AAK1: variants seen among roughly 807,000 people sequenced by gnomAD.
AAK1 encodes the protein AP2 associated kinase 1.
AAK1 carries 37 observed loss-of-function variants against 116.0 expected under a neutral mutation model. The ratio of observed to expected loss-of-function variants is 0.32; its 90% CI spans 0.25 to 0.42. The LOEUF is 0.42. Ranked by LOEUF, AAK1 falls within the 10% of genes least tolerant of loss-of-function variation. The probability of loss-of-function intolerance (pLI) is 1.00; values close to 1 mark genes in which losing one functional copy is unlikely to be tolerated. For missense variants in AAK1, 919 were observed against 1,170.6 expected (o/e 0.79, Z 3.14); for synonymous variants, 458 against 439.9 (o/e 1.04, Z -0.51).
At chr2:69,542,131 T>C (rs1034930253) in intron 5 of AAK1, among the ~76,000 whole-genome samples, 3 of 152,130 alleles carry the variant, frequency 2.0e-5, no homozygotes, top group African/African-American at 7.2e-5. Flanking sequence ...GTGATGGCAA[T>C]TAGGACAATT....
At chr2:69,557,101 T>G (rs1253265160) in intron 2 of AAK1, 123 bp from the exon 3 acceptor site, 1 of 696,566 alleles carries the variant, frequency 1.4e-6, no homozygotes, top group Admixed American at 2.1e-5. Flanking sequence ...CAGCCAGCCT[T>G]TAGGGCTAGC....
chr2:69,602,297 GAATA>G (rs1376693603), intron 2 of AAK1, among the ~76,000 whole-genome samples: 1 of 152,054 alleles, frequency 6.6e-6, no homozygotes, highest in African/African-American at 2.4e-5. Flanking sequence ...AGTAAAATCT[GAATA>G]AACAGATTAG....
chr2:69,498,061 A>G (rs1482690366), intron 16 of AAK1, among the ~76,000 whole-genome samples: 3 of 116,840 alleles, frequency 2.6e-5, no homozygotes, highest in Admixed American at 1.3e-4. Flanking sequence ...GCCTCTTTTC[A>G]TCTCGCTCCC....
intron 10 of AAK1, 125 bp downstream of exon 10, chr2:69,524,908 C>G: frequency 1.1e-6 from 1 of 871,700 alleles, no homozygotes; most frequent in Admixed American, 2.5e-5. Context: ...CAAGACAGAG[C>G]TTGCTTTCCT....
chr2:69,569,165 G>C (rs1156521263), intron 2 of AAK1, among the ~76,000 whole-genome samples: 1 of 152,176 alleles, frequency 6.6e-6, no homozygotes, highest in African/African-American at 2.4e-5. Context: ...CTTCGAGCCA[G>C]AGGAAAGTCC....
chr2:69,564,013 G>A (rs893939947), intron 2 of AAK1, among the ~76,000 whole-genome samples: 2 of 152,092 alleles, frequency 1.3e-5, no homozygotes, highest in South Asian at 2.1e-4. Flanking sequence ...CTAACATGGT[G>A]AAACCCTGTC....
At chr2:69,602,018 T>C (rs1250209370) in intron 2 of AAK1, among the ~76,000 whole-genome samples, 5 of 152,176 alleles carry the variant, frequency 3.3e-5, no homozygotes, top group African/African-American at 4.8e-5. Context: ...AGACACACCA[T>C]TGCAGTATCC....
At chr2:69,574,213 A>T (rs1218840661) in intron 2 of AAK1, among the ~76,000 whole-genome samples, 3 of 151,528 alleles carry the variant, frequency 2.0e-5, no homozygotes, top group African/African-American at 7.3e-5. Flanking sequence ...TCTACTAAAA[A>T]TACAAAAATT....
At chr2:69,548,470 C>A (rs1235985630) in intron 3 of AAK1, among the ~76,000 whole-genome samples, 2 of 145,700 alleles carry the variant, frequency 1.4e-5, no homozygotes, top group Non-Finnish European at 2.9e-5. Context: ...CTTTTTCTTT[C>A]TTTTTTCCTT....
chr2:69,637,777 GTGT>G (rs1190649209), intron 2 of AAK1, among the ~76,000 whole-genome samples: 1 of 152,016 alleles, frequency 6.6e-6, no homozygotes, highest in Non-Finnish European at 1.5e-5. Context: ...TATTTTTTGT[GTGT>G]TTTGTTAATA....
intron 4 of AAK1, 61 bp from the exon 5 acceptor site, chr2:69,542,726 T>A (rs1246891522): frequency 1.5e-5 from 24 of 1,574,160 alleles, no homozygotes; most frequent in Non-Finnish European, 2.1e-5. Flanking sequence ...TCATTTAGTC[T>A]AAGAGAATGA....
At chr2:69,575,073 CA>C (rs1672250643) in intron 2 of AAK1, among the ~76,000 whole-genome samples, 1 of 141,878 alleles carries the variant, frequency 7.0e-6, no homozygotes, top group Admixed American at 6.9e-5. Flanking sequence ...TAAAACAAAA[CA>C]AACAACTTCT....
At chr2:69,480,142 A>T (rs578243877) in intron 19 of AAK1, among the ~76,000 whole-genome samples, 1 of 152,062 alleles carries the variant, frequency 6.6e-6, no homozygotes, top group East Asian at 1.9e-4. Flanking sequence ...AATAAATCAT[A>T]ATGTCTTTGG....
chr2:69,490,766 TACTTAATGCCACTGA>T (rs1220265391), intron 17 of AAK1, among the ~76,000 whole-genome samples: 6 of 152,204 alleles, frequency 3.9e-5, no homozygotes, highest in African/African-American at 1.4e-4. Context: ...AATGAGAATA[TACTTAATGCCACTGA>T]ACTGTACACT....
chr2:69,532,283 G>A (rs2276687), intron 5 of AAK1, 121 bp from the exon 6 acceptor site: 560,767 of 1,203,276 alleles, frequency 0.47, 139,252 homozygotes, highest in East Asian at 0.79. Flanking sequence ...TGTGCACAGG[G>A]AAGTTATTCC....
intron 13 of AAK1, among the ~76,000 whole-genome samples, chr2:69,512,769 C>T (rs536321647): frequency 2.6e-5 from 4 of 152,310 alleles, no homozygotes; most frequent in South Asian, 2.1e-4. Flanking sequence ...CCAAAGAACA[C>T]GGAGAAAGTT....
chr2:69,584,715 C>G (rs142130997), intron 2 of AAK1, among the ~76,000 whole-genome samples: 1 of 152,222 alleles, frequency 6.6e-6, no homozygotes, highest in Non-Finnish European at 1.5e-5. Context: ...GGTATCCTCA[C>G]GCACACAGGC....
chr2:69,580,488 G>C (rs1205743413), intron 2 of AAK1, among the ~76,000 whole-genome samples: 2 of 152,146 alleles, frequency 1.3e-5, no homozygotes, highest in South Asian at 2.1e-4. Flanking sequence ...ATATTAAACA[G>C]AGAAAGTCTA....
chr2:69,585,829 TACTTA>T (rs1672741630), intron 2 of AAK1, among the ~76,000 whole-genome samples: 2 of 152,222 alleles, frequency 1.3e-5, no homozygotes, highest in Non-Finnish European at 2.9e-5. Context: ...TTGAGAAAGT[TACTTA>T]ACTTCTTTAA....
Sources: allele counts gnomAD v4.1 joint callset (sites outside exome capture counted in the v4.1 genomes callset), GRCh38; gene constraint gnomAD v4.1.1; transcripts MANE v1.5; gene names NCBI Gene and HGNC (gene_info 2026-07-23, HGNC 2026-07-21).